The following RGPD2 variants were observed in gnomAD, a reference collection of about 807,000 sequenced individuals.
The protein encoded by RGPD2 is RANBP2-like and GRIP domain-containing protein 2.
In RGPD2, 2 loss-of-function variants were observed where a neutral mutation model predicts 36.0. The observed-to-expected ratio is 0.06, with a 90% CI of 0.02 to 0.17. The LOEUF is 0.17. RGPD2 is among the 10% of genes least tolerant of loss of function. The pLI is 1.00. For synonymous variants in RGPD2, 19 were observed against 163.8 expected, an observed-to-expected ratio of 0.12 and a Z score of 6.75; for missense variants, 40 against 464.3, an observed-to-expected ratio of 0.09 and a Z score of 8.40.
At chr2:87,919,150 A>G in the RGPD2 span, among the ~76,000 whole-genome samples, 2 of 151,892 alleles carry the variant, frequency 1.3e-5, no homozygotes, top group Admixed American at 1.3e-4. Context: ...ATTAAACAGA[A>G]ATACCAAAAT....
the RGPD2 span, among the ~76,000 whole-genome samples, chr2:87,885,035 C>A: frequency 3.3e-4 from 50 of 152,178 alleles, no homozygotes; most frequent in African/African-American, 1.2e-3. Context: ...ATGCAAAAAT[C>A]TTCAACAATA....
chr2:87,818,707 GTT>G, intron 1 of RGPD2, 84 bp from the exon 2 acceptor site: 9 of 730,022 alleles, frequency 1.2e-5, no homozygotes, highest in Non-Finnish European at 2.0e-5. Context: ...TCTGCCCTAA[GTT>G]TATGTTCAAA....
chr2:87,923,539 A>G, the RGPD2 span, among the ~76,000 whole-genome samples: 4 of 152,258 alleles, frequency 2.6e-5, no homozygotes, highest in East Asian at 7.7e-4. Context: ...CGTATGGTAC[A>G]CTGGAAAATA....
chr2:87,873,224 T>C, the RGPD2 span, among the ~76,000 whole-genome samples: 1 of 146,956 alleles, frequency 6.8e-6, no homozygotes, highest in Middle Eastern at 3.2e-3. Flanking sequence ...TACCATATTT[T>C]CTTTATCCTG....
At chr2:87,960,358 G>A in the RGPD2 span, among the ~76,000 whole-genome samples, 1 of 94,482 alleles carries the variant, frequency 1.1e-5, no homozygotes, top group Admixed American at 1.3e-4. Flanking sequence ...TTCTCTTCAT[G>A]CAATAATTCC....
chr2:87,879,451 C>A, the RGPD2 span, among the ~76,000 whole-genome samples: 3 of 145,066 alleles, frequency 2.1e-5, no homozygotes, highest in Admixed American at 6.9e-5. Context: ...CACATCCCCC[C>A]ACCCCTGACA....
the RGPD2 span, among the ~76,000 whole-genome samples, chr2:87,877,553 C>T: frequency 3.3e-5 from 5 of 152,160 alleles, no homozygotes; most frequent in Admixed American, 2.6e-4. Flanking sequence ...CCTGTAATCC[C>T]AGCACTTTGG....
Position 87,782,733 on chromosome 2 carries a change from T to G in RGPD2, c.4291A>C (p.Arg1431=). 1 of 1,222,814 alleles carries G rather than the reference T, an allele frequency of 8.2e-7. No homozygotes were observed. Among genetic ancestry groups the G allele is most frequent in the Non-Finnish European group, 1.1e-6 (1 of 899,248 alleles). 75.7% of individuals were successfully genotyped at this position (1,222,814 alleles called of 1,614,324 possible). Reference sequence around the variant, plus strand: ...CGAACAGCTAAATGCTCTACTTTTCTTTCTCCATCTGCAAAATCACATGCA... The same window carrying G: ...CGAACAGCTAAATGCTCTACTTTTCGTTCTCCATCTGCAAAATCACATGCA... ...WTACDFADGE[R]KVEHLAVRFK... Residue 1431 remains arginine, a synonymous_variant, in exon 20 of 23, where the codon AGA becomes CGA. Coordinates refer to ENST00000398146, the MANE Select transcript of RGPD2 (RefSeq NM_001078170.3).
At chr2:87,761,149 GTTTT>G (rs1278736530) in intron 22 of RGPD2, among the ~76,000 whole-genome samples, 1 of 46,838 alleles carries the variant, frequency 2.1e-5, no homozygotes, top group Non-Finnish European at 4.3e-5. Flanking sequence ...CTGTTATGGT[GTTTT>G]TTATTTCTAG....
the RGPD2 span, among the ~76,000 whole-genome samples, chr2:87,915,630 GC>G: frequency 6.9e-6 from 1 of 144,102 alleles, no homozygotes; most frequent in Admixed American, 7.0e-5. Context: ...ATATATATGT[GC>G]GTGTATATAT....
chr2:87,845,861 TA>T, the RGPD2 span, among the ~76,000 whole-genome samples: 7,428 of 150,740 alleles, frequency 0.049, no homozygotes, highest in Non-Finnish European at 0.07. Flanking sequence ...CATAGAAACT[TA>T]TACTTTAAAT....
At chr2:87,957,227 C>A in the RGPD2 span, among the ~76,000 whole-genome samples, 15 of 61,456 alleles carry the variant, frequency 2.4e-4, no homozygotes, top group Non-Finnish European at 5.2e-4. Flanking sequence ...TAGGTTTAGA[C>A]AAGGTCACTG....
At chr2:87,985,926 A>G in the RGPD2 span, 4 of 1,556,458 alleles carry the variant, frequency 2.6e-6, no homozygotes, top group East Asian at 6.8e-5. Flanking sequence ...TATTAAAAGC[A>G]AAGATTAATT....
At chr2:87,855,171 A>G in the RGPD2 span, among the ~76,000 whole-genome samples, 1 of 151,854 alleles carries the variant, frequency 6.6e-6, no homozygotes, top group African/African-American at 2.4e-5. Context: ...CCCTTTTACC[A>G]TTATCTCCAC....
the RGPD2 span, among the ~76,000 whole-genome samples, chr2:87,885,468 T>C: frequency 6.6e-6 from 1 of 151,872 alleles, no homozygotes; most frequent in Non-Finnish European, 1.5e-5. Flanking sequence ...TCTCACTACT[T>C]CTGTTAAATA....
At chr2:87,805,830 A>G (rs1685929821) in intron 7 of RGPD2, among the ~76,000 whole-genome samples, 1 of 151,390 alleles carries the variant, frequency 6.6e-6, no homozygotes, top group Admixed American at 6.6e-5. Flanking sequence ...ACTGCACTCC[A>G]GCCTGGGCGA....
chr2:87,834,794 G>A, the RGPD2 span, among the ~76,000 whole-genome samples: 1 of 151,900 alleles, frequency 6.6e-6, no homozygotes, highest in Non-Finnish European at 1.5e-5. Flanking sequence ...AATCTCACAC[G>A]AACATGAGGA....
intron 1 of RGPD2, 77 bp downstream of exon 1, chr2:87,825,565 CCGCCGCCCGGCCAGGT>C (rs1179328749): frequency 1.9e-5 from 20 of 1,043,534 alleles, no homozygotes; most frequent in East Asian, 8.5e-5. Flanking sequence ...CAGGTCGAGG[CCGCCGCCCGGCCAGGT>C]CGAGGCCGCC....
chr2:87,844,294 T>C, the RGPD2 span, among the ~76,000 whole-genome samples: 1 of 147,022 alleles, frequency 6.8e-6, no homozygotes, highest in Non-Finnish European at 1.5e-5. Context: ...ATTTTACTTA[T>C]TCTGATACAC....
Sources: gnomAD v4.1 joint callset for allele counts (sites outside exome capture counted in the v4.1 genomes callset) on GRCh38, gnomAD v4.1.1 for gene constraint, MANE v1.5 for transcripts, NCBI Gene and HGNC (gene_info 2026-07-23, HGNC 2026-07-21) for gene names.